Variants in SLC2A13 observed in about 807,000 individuals in gnomAD.
The protein encoded by SLC2A13 is proton myo-inositol cotransporter.
SLC2A13 carries 32 observed loss-of-function variants against 64.4 expected under a neutral mutation model. That is an observed-to-expected ratio of 0.50 (90% CI 0.37 to 0.67). SLC2A13 has a LOEUF of 0.67. Ranked by LOEUF, SLC2A13 falls within the 30% of genes least tolerant of loss-of-function variation. The pLI is 0.00. For synonymous variants in SLC2A13, 338 were observed against 327.1 expected, an observed-to-expected ratio of 1.03 and a Z score of -0.36; for missense variants, 743 against 829.2, an observed-to-expected ratio of 0.90 and a Z score of 1.28.
chr12:39,797,774 A>G (rs1272171203), intron 7 of SLC2A13, among the ~76,000 whole-genome samples: 2 of 152,044 alleles, frequency 1.3e-5, no homozygotes, highest in East Asian at 3.8e-4. Context: ...ACACACACAC[A>G]CATACACGGA....
chr12:40,058,086 TA>T (rs1565608690), intron 1 of SLC2A13, among the ~76,000 whole-genome samples: 321 of 151,264 alleles, frequency 2.1e-3, no homozygotes, highest in Middle Eastern at 0.017. Context: ...GATAGATAGA[TA>T]GATTGATTTA....
At chr12:39,824,818 A>G (rs900091139) in intron 7 of SLC2A13, among the ~76,000 whole-genome samples, 2 of 152,194 alleles carry the variant, frequency 1.3e-5, no homozygotes, top group Non-Finnish European at 2.9e-5. Flanking sequence ...CAGAAACTGC[A>G]AGGAAAAAGG....
intron 7 of SLC2A13, among the ~76,000 whole-genome samples, chr12:39,795,208 G>C (rs4625544): frequency 0.98 from 147,686 of 151,220 alleles, 72,117 homozygotes; most frequent in East Asian, 1. Context: ...CTCTCTCTCT[G>C]TGTGTGTCAC....
intron 3 of SLC2A13, among the ~76,000 whole-genome samples, chr12:39,995,326 A>T (rs1947208656): frequency 6.6e-6 from 1 of 152,124 alleles, no homozygotes; most frequent in African/African-American, 2.4e-5. Context: ...TCAAAATATA[A>T]AATAAATTAC....
Position 39,976,315 on chromosome 12 carries a change from A to G in SLC2A13, c.926-24950T>C, listed in dbSNP as rs553635772. ...TGTATGGTAGGCTCCAAGATAAATTAGACATGGTCCTTGATGTCAAGAAAC... is the reference window on the plus strand; with the variant it reads ...TGTATGGTAGGCTCCAAGATAAATTGGACATGGTCCTTGATGTCAAGAAAC... On this transcript the variant is annotated intron_variant, in intron 3 of 9. Coordinates refer to ENST00000280871, the MANE Select transcript of SLC2A13 (RefSeq NM_052885.4). 3.3e-5 allele frequency among the ~76,000 whole-genome samples: 5 copies of G among 152,352 alleles called. No individual in the cohort carries two copies. In the East Asian group the frequency reaches 9.6e-4, roughly 29 times the overall value.
At chr12:39,832,217 T>G in intron 6 of SLC2A13, among the ~76,000 whole-genome samples, 1 of 152,028 alleles carries the variant, frequency 6.6e-6, no homozygotes, top group Non-Finnish European at 1.5e-5. Flanking sequence ...GTGTCTGGCT[T>G]TGAGAACCAG....
At chr12:39,971,063 C>G (rs1437188232) in intron 3 of SLC2A13, among the ~76,000 whole-genome samples, 1 of 152,106 alleles carries the variant, frequency 6.6e-6, no homozygotes, top group Non-Finnish European at 1.5e-5. Context: ...TTGATTTTCT[C>G]TTCTAATTCT....
chr12:40,082,612 G>T (rs899156126), intron 1 of SLC2A13, among the ~76,000 whole-genome samples: 1 of 152,158 alleles, frequency 6.6e-6, no homozygotes, highest in African/African-American at 2.4e-5. Flanking sequence ...CTCTGTCCAG[G>T]TCTGGCAGCC....
intron 2 of SLC2A13, among the ~76,000 whole-genome samples, chr12:40,041,954 G>A (rs1420722160): frequency 6.6e-6 from 1 of 151,990 alleles, no homozygotes; most frequent in Non-Finnish European, 1.5e-5. Context: ...AATCCTCCCT[G>A]ATCCTACCCC....
intron 4 of SLC2A13, among the ~76,000 whole-genome samples, chr12:39,903,974 C>T (rs763887556): frequency 4.6e-5 from 7 of 152,016 alleles, no homozygotes; most frequent in Non-Finnish European, 1.0e-4. Flanking sequence ...TATCAGATTT[C>T]CTGCAGCTAC....
chr12:39,968,262 G>A (rs1328267926), intron 3 of SLC2A13, among the ~76,000 whole-genome samples: 5 of 152,088 alleles, frequency 3.3e-5, no homozygotes, highest in Non-Finnish European at 7.4e-5. Context: ...GTGGGGTGGT[G>A]CGGCGGGAGA....
intron 4 of SLC2A13, among the ~76,000 whole-genome samples, chr12:39,902,497 G>T (rs893366586): frequency 6.6e-6 from 1 of 151,844 alleles, no homozygotes; most frequent in African/African-American, 2.4e-5. Context: ...ATTAAACAGT[G>T]GCATATCTCT....
At chr12:39,979,430 A>C (rs1187350347) in intron 3 of SLC2A13, among the ~76,000 whole-genome samples, 1 of 139,336 alleles carries the variant, frequency 7.2e-6, no homozygotes, top group Non-Finnish European at 1.6e-5. Flanking sequence ...TTTGAAAAAA[A>C]TTTATAAGAA....
chr12:39,848,886 C>T (rs764009197), intron 6 of SLC2A13, among the ~76,000 whole-genome samples: 1 of 152,138 alleles, frequency 6.6e-6, no homozygotes, highest in Non-Finnish European at 1.5e-5. Context: ...ATGGATGGAG[C>T]TGGAGGCTAT....
intron 3 of SLC2A13, among the ~76,000 whole-genome samples, chr12:40,011,163 C>G (rs1321143386): frequency 6.6e-6 from 1 of 152,136 alleles, no homozygotes; most frequent in Non-Finnish European, 1.5e-5. Flanking sequence ...TAACGGTAGG[C>G]AGGGTTTATC....
At chr12:39,896,162 A>T (rs920740008) in intron 4 of SLC2A13, among the ~76,000 whole-genome samples, 3 of 149,142 alleles carry the variant, frequency 2.0e-5, no homozygotes, top group Non-Finnish European at 4.5e-5. Context: ...ATACACGTGT[A>T]TACATATATG....
chr12:39,988,715 A>AAGGGGGGG (rs1947079169), intron 3 of SLC2A13, among the ~76,000 whole-genome samples: 1 of 116,158 alleles, frequency 8.6e-6, no homozygotes, highest in Admixed American at 8.4e-5. Flanking sequence ...GGAAGGAAGG[A>AAGGGGGGG]AGGAAGGAAG....
intron 3 of SLC2A13, among the ~76,000 whole-genome samples, chr12:39,997,363 C>T (rs28740232): frequency 6.6e-6 from 1 of 152,284 alleles, no homozygotes; most frequent in East Asian, 1.9e-4. Flanking sequence ...ATCCTCATCT[C>T]TCACCTTATA....
At chr12:40,075,923 C>T (rs142376303) in intron 1 of SLC2A13, among the ~76,000 whole-genome samples, 7 of 152,106 alleles carry the variant, frequency 4.6e-5, no homozygotes, top group African/African-American at 7.2e-5. Flanking sequence ...TATTAAAGTA[C>T]GTGTTTTTCT....
Sources: gnomAD v4.1 joint callset for allele counts (sites outside exome capture counted in the v4.1 genomes callset) on GRCh38, gnomAD v4.1.1 for gene constraint, MANE v1.5 for transcripts, NCBI Gene and HGNC (gene_info 2026-07-23, HGNC 2026-07-21) for gene names.